The following LAMC3 variants were observed in gnomAD, a reference collection of about 807,000 sequenced individuals.
The protein encoded by LAMC3 is laminin subunit gamma 3, also known as laminin subunit gamma-3.
Under a neutral mutation model 173.8 loss-of-function variants are expected in LAMC3, and 128 were observed. The ratio of observed to expected loss-of-function variants is 0.74; its 90% confidence interval spans 0.64 to 0.85. The LOEUF is 0.85. Ranked by LOEUF, LAMC3 falls within the 40% of genes least tolerant of loss-of-function variation. The pLI, the probability that LAMC3 is intolerant of heterozygous loss-of-function variation, is 0.00. For synonymous variants in LAMC3, 897 were observed against 909.1 expected (o/e 0.99, Z 0.24); for missense variants, 2,022 against 2,156.0 (o/e 0.94, Z 1.23).
At chr9:131,069,186 A>C in intron 16 of LAMC3, 136 bp downstream of exon 16, 1 of 1,036,116 alleles carries the variant, frequency 9.7e-7, no homozygotes, top group Non-Finnish European at 1.4e-6. Context: ...GAGCAGCCGG[A>C]AGCATGGAGC....
intron 22 of LAMC3, among the ~76,000 whole-genome samples, 173 bp downstream of exon 22, chr9:131,077,507 T>G (rs944009282): frequency 6.6e-6 from 1 of 151,690 alleles, no homozygotes. Context: ...TGAAACCTAG[T>G]CTCTACTAAA....
At position 131,038,225 on chromosome 9, in the gene LAMC3, C is replaced by T. The variant is rs113479328; in HGVS notation, c.977-639C>T. On this transcript the variant is annotated intron_variant, in intron 4 of 27. Coordinates refer to ENST00000361069, the MANE Select transcript of LAMC3 (RefSeq NM_006059.4). Reference sequence around the variant, plus strand: ...GCACAGCTGCAGGGGCCCCTTCTTTCGGCTCCCAAAGCCCCCAGCCTCTCC... The same window carrying T: ...GCACAGCTGCAGGGGCCCCTTCTTTTGGCTCCCAAAGCCCCCAGCCTCTCC... Among the ~76,000 whole-genome samples the T allele has an allele frequency of 5.6e-3, 859 of 152,286 alleles. 7 individuals carry two copies. The highest frequency in any genetic ancestry group is 0.019 in the African/African-American group (801 of 41,560).
In LAMC3 at chr9:131,077,260, G is replaced by A. The variant is rs753453940; in HGVS notation, c.3703G>A (p.Val1235Met). 1.2e-5 allele frequency: 20 copies of A among 1,613,924 alleles called. No individual in the cohort carries two copies. The highest frequency in any genetic ancestry group is 4.5e-5 in the East Asian group (2 of 44,890). ...VAEVLPEAES[V>M]LATVQQVGAD... ...AGAGGTGCTGCCTGAAGCGGAAAGCGTGTTGGCCACCGTGCAGCAAGTTGG... is the reference window on the plus strand; with the variant it reads ...AGAGGTGCTGCCTGAAGCGGAAAGCATGTTGGCCACCGTGCAGCAAGTTGG... The change falls in exon 22 of 28, where the codon GTG (valine) becomes ATG (methionine). Residue 1235 changes from valine (V) to methionine (M), a missense_variant. Transcript: ENST00000361069.
rs745888229 is a variant in LAMC3 at position 131,039,002 on chromosome 9, A to G, written c.1115A>G (p.Tyr372Cys). The G allele has an allele frequency of 3.7e-6, 6 of 1,613,674 alleles. No individual in the cohort carries two copies. The highest frequency in any genetic ancestry group is 5.1e-6 in the Non-Finnish European group (6 of 1,180,004). The change falls in exon 5 of 28, where the codon TAT (tyrosine) becomes TGT (cysteine). Residue 372 changes from tyrosine to cysteine, a missense_variant. Coordinates refer to ENST00000361069, the MANE Select transcript of LAMC3 (RefSeq NM_006059.4). The stretch of plus-strand genomic sequence containing the variant: ...TGTGAGCGCTGTCAGGAGAATTTCT[A>G]TCACTGGGACCCGCGGATGCCATGC... ...PHCERCQENF[Y>C]HWDPRMPCQP... is the part of the protein sequence containing the mutation.
intron 1 of LAMC3, among the ~76,000 whole-genome samples, chr9:131,011,505 G>C (rs1833414457): frequency 6.6e-6 from 1 of 152,210 alleles, no homozygotes; most frequent in Non-Finnish European, 1.5e-5. Flanking sequence ...ACATTGGAGT[G>C]GGGTGCGGGG....
chr9:131,032,201 G>A, intron 3 of LAMC3, 26 bp downstream of exon 3: 1 of 1,411,456 alleles, frequency 7.1e-7, no homozygotes, highest in Non-Finnish European at 9.6e-7. Context: ...GAGGCAGGGT[G>A]GCAGGGCTCC....
chr9:131,035,037 G>A (rs1833916969), intron 3 of LAMC3, among the ~76,000 whole-genome samples: 2 of 152,146 alleles, frequency 1.3e-5, no homozygotes, highest in African/African-American at 4.8e-5. Context: ...TGCAACCTCT[G>A]CCTCTTGGGT....
rs1288511575 is a variant in LAMC3, at chr9:131,045,654, C to T, written c.1513C>T (p.His505Tyr). Residue 505 changes from histidine to tyrosine, a missense_variant, in exon 8 of 28, where the codon CAC becomes TAC. Physicochemically the swap from His to Tyr is moderately conservative, Grantham distance 83. Coordinates refer to ENST00000361069, the MANE Select transcript of LAMC3 (RefSeq NM_006059.4). ...FQVHHILSDF[H>Y]QGAEGWWARS... Reference sequence around the variant, plus strand: ...GGTGCATCACATCCTCAGCGATTTCCACCAGGGTAAGAGATGCTCCCTGCA... The same window carrying T: ...GGTGCATCACATCCTCAGCGATTTCTACCAGGGTAAGAGATGCTCCCTGCA... The T allele has an allele frequency of 6.2e-7, 1 of 1,614,178 alleles. No homozygotes were observed.
At chr9:131,073,353 G>C (rs768839534) in intron 20 of LAMC3, 32 bp downstream of exon 20, 7 of 1,552,842 alleles carry the variant, frequency 4.5e-6, no homozygotes, top group Non-Finnish European at 5.3e-6. Flanking sequence ...GCTTACACCT[G>C]GCCCTTCTCC....
chr9:131,010,455 T>G (rs553159614), intron 1 of LAMC3, among the ~76,000 whole-genome samples: 13 of 152,378 alleles, frequency 8.5e-5, no homozygotes, highest in Non-Finnish European at 1.8e-4. Context: ...GCTTTGGTTC[T>G]AGGTTGCAAT....
At chr9:131,041,824 C>A (rs2133261155) in intron 7 of LAMC3, 89 bp downstream of exon 7, 1 of 1,125,114 alleles carries the variant, frequency 8.9e-7, no homozygotes, top group Non-Finnish European at 1.3e-6. Flanking sequence ...CGGGGAGGAG[C>A]AAGGGGCACG....
At chr9:131,039,083 C>T (rs1205474365) in intron 5 of LAMC3, 31 bp downstream of exon 5, 3 of 1,612,268 alleles carry the variant, frequency 1.9e-6, no homozygotes, top group African/African-American at 1.3e-5. Context: ...CAGCCTCCGA[C>T]CCTCTCCCTT....
chr9:131,085,030 A>C (rs1830306473), intron 24 of LAMC3, among the ~76,000 whole-genome samples: 1 of 151,822 alleles, frequency 6.6e-6, no homozygotes, highest in Admixed American at 6.6e-5. Flanking sequence ...TGGTTTCTGC[A>C]ATGTCATTAT....
At chr9:131,051,178 C>T (rs967747621) in intron 9 of LAMC3, among the ~76,000 whole-genome samples, 2 of 152,136 alleles carry the variant, frequency 1.3e-5, no homozygotes, top group South Asian at 2.1e-4. Context: ...ATCCCACCCC[C>T]CCAGTTCCCA....
At chr9:131,063,594 G>A (rs4740403) in intron 13 of LAMC3, among the ~76,000 whole-genome samples, 33,475 of 152,014 alleles carry the variant, frequency 0.22, 4,170 homozygotes, top group Admixed American at 0.28. Flanking sequence ...GGGTTGACCG[G>A]GGTCAAGTCC....
chr9:131,024,090 C>T (rs1232650454), intron 1 of LAMC3, among the ~76,000 whole-genome samples: 3 of 149,442 alleles, frequency 2.0e-5, no homozygotes, highest in East Asian at 1.9e-4. Flanking sequence ...GAAGGCTCTT[C>T]TAGTGCAAAG....
intron 15 of LAMC3, among the ~76,000 whole-genome samples, chr9:131,068,556 G>A (rs555016531): frequency 1.2e-4 from 18 of 152,044 alleles, no homozygotes; most frequent in Admixed American, 2.0e-4. Flanking sequence ...TGTTCTTAGG[G>A]AACAGGAGGA....
Position 131,039,977 on chromosome 9 carries a change from AAAC to A in LAMC3, c.1283+732_1283+734del, listed in dbSNP as rs370552529. ...AAAGTATACAATGGCCAAAAAACAA[AAAC>A]AAAACAAAACAAAAACCTATGATAA... On this transcript the variant is annotated intron_variant, in intron 6 of 27. Transcript: ENST00000361069. Among the ~76,000 whole-genome samples the A allele has an allele frequency of 9.2e-5, 14 of 151,752 alleles. 1 individual carries two copies. The highest frequency in any genetic ancestry group is 3.4e-4 in the African/African-American group (14 of 41,340).
intron 26 of LAMC3, 21 bp downstream of exon 26, chr9:131,087,643 ACCCT>A (rs769855179): frequency 6.2e-7 from 1 of 1,613,662 alleles, no homozygotes; most frequent in Non-Finnish European, 8.5e-7. Flanking sequence ...CAGGGCCCCT[ACCCT>A]ATCGCCTCCT....
Sources: allele counts gnomAD v4.1 joint callset (sites outside exome capture counted in the v4.1 genomes callset), GRCh38; gene constraint gnomAD v4.1.1; transcripts MANE v1.5; gene names NCBI Gene and HGNC (gene_info 2026-07-23, HGNC 2026-07-21).